Variants in EHHADH observed in about 807,000 individuals in gnomAD.
The protein encoded by EHHADH is peroxisomal bifunctional enzyme.
Under a neutral mutation model 64.4 loss-of-function variants are expected in EHHADH, and 48 were observed. The ratio of observed to expected loss-of-function variants is 0.75; its 90% confidence interval spans 0.59 to 0.95. The LOEUF (loss-of-function observed/expected upper bound fraction) is 0.95, where lower values mean the gene tolerates loss of function less well. Ranked by LOEUF, EHHADH falls within the 40% of genes least tolerant of loss-of-function variation. EHHADH has a pLI of 0.00. For missense variants in EHHADH, 854 were observed against 876.6 expected (o/e 0.97, Z 0.33); for synonymous variants, 308 against 326.7 (o/e 0.94, Z 0.62).
chr3:185,222,221 A>G (rs1388729992), intron 4 of EHHADH, among the ~76,000 whole-genome samples: 3 of 151,868 alleles, frequency 2.0e-5, no homozygotes, highest in African/African-American at 7.3e-5. Flanking sequence ...CCCTGTTTCT[A>G]CTAAAAATAC....
intron 5 of EHHADH, among the ~76,000 whole-genome samples, chr3:185,212,197 A>G (rs1270154414): frequency 1.3e-5 from 2 of 152,248 alleles, no homozygotes; most frequent in Non-Finnish European, 2.9e-5. Context: ...AATATATAGC[A>G]TTTTATAGGA....
intron 5 of EHHADH, among the ~76,000 whole-genome samples, chr3:185,214,750 G>A (rs1390212221): frequency 6.6e-6 from 1 of 152,146 alleles, no homozygotes; most frequent in African/African-American, 2.4e-5. Flanking sequence ...AAAAATGGAA[G>A]TTGTAATAGC....
intron 5 of EHHADH, among the ~76,000 whole-genome samples, chr3:185,208,649 C>G (rs1466653273): frequency 6.6e-6 from 1 of 151,078 alleles, no homozygotes; most frequent in East Asian, 2.0e-4. Flanking sequence ...ACTGATTGTT[C>G]AACCCAGCAA....
At position 185,199,306 on chromosome 3, in the gene EHHADH, G is replaced by A. The variant is rs115063383; in HGVS notation, c.910+5110C>T. Among the ~76,000 whole-genome samples the A allele has an allele frequency of 4.7e-3, 711 of 152,278 alleles. 10 individuals carry two copies. Among genetic ancestry groups the A allele is most frequent in the African/African-American group, 0.016 (680 of 41,550 alleles). On this transcript the variant is annotated intron_variant, in intron 6 of 6. Transcript: ENST00000231887. ...CCCAACACCAATTCATTTTCCTGCC[G>A]GCACACAGAAGACTGTACTTTCTAG... is the stretch of plus-strand genomic sequence containing the variant.
At chr3:185,235,568 A>G (rs1351815219) in intron 2 of EHHADH, 106 bp from the exon 3 acceptor site, 2 of 1,004,638 alleles carry the variant, frequency 2.0e-6, no homozygotes, top group African/African-American at 3.4e-5. Flanking sequence ...TGTTTTATTT[A>G]TTTCTTAATT....
At position 185,204,148 on chromosome 3, in the gene EHHADH, A is replaced by T. The variant is rs1042533178; in HGVS notation, c.910+268T>A. 2.9e-4 allele frequency among the ~76,000 whole-genome samples: 43 copies of T among 150,854 alleles called. No individual in the cohort carries two copies. In the East Asian group the frequency reaches 3.0e-3, roughly 10 times the overall value. On this transcript the variant is annotated intron_variant, in intron 6 of 6. Coordinates refer to ENST00000231887, the MANE Select transcript of EHHADH (RefSeq NM_001966.4). ...ACTCTGTCTCAAAAAAAAAAAAAAA[A>T]AAAAAAAAAAGAATAAAACATTCCC... is the stretch of plus-strand genomic sequence containing the variant.
chr3:185,226,465 A>G (rs1236184222), intron 4 of EHHADH, among the ~76,000 whole-genome samples: 1 of 152,106 alleles, frequency 6.6e-6, no homozygotes, highest in Non-Finnish European at 1.5e-5. Flanking sequence ...CCTGGCCAAC[A>G]TGGTGAAACC....
intron 1 of EHHADH, among the ~76,000 whole-genome samples, chr3:185,249,833 G>A (rs999382324): frequency 5.9e-5 from 9 of 151,736 alleles, no homozygotes; most frequent in African/African-American, 1.9e-4. Flanking sequence ...TTTACAGTAA[G>A]GTCTGCACAA....
At chr3:185,235,191 T>G in intron 3 of EHHADH, 99 bp downstream of exon 3, 1 of 1,224,978 alleles carries the variant, frequency 8.2e-7, no homozygotes, top group Non-Finnish European at 1.1e-6. Context: ...AAAAAACAAA[T>G]AAATAAAATA....
intron 2 of EHHADH, 97 bp from the exon 3 acceptor site, chr3:185,235,559 G>T: frequency 1.9e-6 from 2 of 1,057,088 alleles, no homozygotes; most frequent in Non-Finnish European, 1.3e-6. Context: ...AAATTAATTT[G>T]TTTTATTTAT....
Position 185,238,857 on chromosome 3 carries a change from G to C in EHHADH, c.179-3395C>G, listed in dbSNP as rs77721027. Among the ~76,000 whole-genome samples the C allele has an allele frequency of 2.0e-4, 30 of 152,128 alleles. No individual in the cohort carries two copies. In the East Asian group the frequency reaches 5.2e-3, roughly 26 times the overall value. Reference sequence around the variant, plus strand: ...TTGAGGTCTTAGTCAAAAGTTATTTGCCTAGGCCAACGTCCAAAAGAGATT... The same window carrying C: ...TTGAGGTCTTAGTCAAAAGTTATTTCCCTAGGCCAACGTCCAAAAGAGATT... On this transcript the variant is annotated intron_variant, in intron 2 of 6. Transcript: ENST00000231887.
intron 1 of EHHADH, among the ~76,000 whole-genome samples, chr3:185,251,168 T>C (rs1468939108): frequency 6.6e-6 from 1 of 152,074 alleles, no homozygotes; most frequent in Admixed American, 6.5e-5. Context: ...TCATGACTAC[T>C]GACCAAAACT....
At chr3:185,194,378 C>T (rs1388359916) in intron 6 of EHHADH, among the ~76,000 whole-genome samples, 2 of 151,974 alleles carry the variant, frequency 1.3e-5, no homozygotes, top group African/African-American at 2.4e-5. Context: ...TCTGGGAGGC[C>T]GAGGTGGGCA....
intron 6 of EHHADH, 116 bp downstream of exon 6, chr3:185,204,284 GGTGTGAGAATTAGCTT>G: frequency 1.3e-6 from 1 of 753,424 alleles, no homozygotes; most frequent in Non-Finnish European, 2.1e-6. Flanking sequence ...CTCATGGGGT[GGTGTGAGAATTAGCTT>G]AGCTAACACA....
At chr3:185,245,814 C>T (rs1719578804) in intron 2 of EHHADH, 1 of 762,738 alleles carries the variant, frequency 1.3e-6, no homozygotes, top group South Asian at 1.5e-5. Flanking sequence ...TTGGTTCCTA[C>T]TCAGACGACC....
intron 5 of EHHADH, among the ~76,000 whole-genome samples, chr3:185,211,337 T>A (rs1718534998): frequency 6.6e-6 from 1 of 152,218 alleles, no homozygotes; most frequent in Non-Finnish European, 1.5e-5. Context: ...TTAATTGAAT[T>A]CTTTCCTTGA....
chr3:185,195,060 C>A (rs1353724918), intron 6 of EHHADH, among the ~76,000 whole-genome samples: 1 of 152,096 alleles, frequency 6.6e-6, no homozygotes, highest in Admixed American at 6.6e-5. Flanking sequence ...CCTTACCTCA[C>A]ACCATATACA....
chr3:185,220,628 C>T (rs1718808500), intron 4 of EHHADH, among the ~76,000 whole-genome samples: 1 of 152,172 alleles, frequency 6.6e-6, no homozygotes, highest in South Asian at 2.1e-4. Flanking sequence ...TATCAAAGAA[C>T]TAAGGATCTA....
rs1719376998 is a variant in EHHADH at position 185,239,003 on chromosome 3, T to C, written c.179-3541A>G. On this transcript the variant is annotated intron_variant, in intron 2 of 6. Transcript: ENST00000231887. ...GGGTCCAGCTTCATTCTTCTGCATA[T>C]GGCTCTCCAATTTTCCCAGCACCAT... Among the ~76,000 whole-genome samples the C allele has an allele frequency of 3.3e-5, 5 of 152,224 alleles. No homozygotes were observed. In the East Asian group the frequency reaches 9.6e-4, roughly 29 times the overall value.
Sources: allele counts gnomAD v4.1 joint callset (sites outside exome capture counted in the v4.1 genomes callset), GRCh38; gene constraint gnomAD v4.1.1; transcripts MANE v1.5; gene names NCBI Gene and HGNC (gene_info 2026-07-23, HGNC 2026-07-21).